Variants in PCGF3 observed in about 807,000 individuals in gnomAD.
PCGF3 encodes the protein polycomb group ring finger 3.
A neutral mutation model predicts 33.1 loss-of-function variants in PCGF3; 7 were observed. That is an observed-to-expected ratio of 0.21 (90% CI 0.12 to 0.40). The LOEUF is 0.40. PCGF3 is among the 10% of genes least tolerant of loss of function. PCGF3 has a pLI of 1.00. For synonymous variants in PCGF3, 153 were observed against 121.3 expected, an observed-to-expected ratio of 1.26 and a Z score of -1.72; for missense variants, 211 against 313.3, an observed-to-expected ratio of 0.67 and a Z score of 2.46.
At chr4:726,864 G>A (rs1248900403) in intron 1 of PCGF3, among the ~76,000 whole-genome samples, 1 of 152,164 alleles carries the variant, frequency 6.6e-6, no homozygotes, top group Non-Finnish European at 1.5e-5. Flanking sequence ...TGGACTTGCC[G>A]GCAGTGCTGG....
At chr4:768,949 A>G (rs1198209353) in exon 11 of PCGF3, 3 of 152,666 alleles carry the variant, frequency 2.0e-5, no homozygotes, top group African/African-American at 7.2e-5. Context: ...TGTAGCATTT[A>G]TTTTGCTAAA....
intron 1 of PCGF3, among the ~76,000 whole-genome samples, chr4:708,481 C>A (rs1232746597): frequency 6.6e-6 from 1 of 151,564 alleles, no homozygotes; most frequent in African/African-American, 2.4e-5. Flanking sequence ...GAGGCCCTTT[C>A]CATGAGACCC....
chr4:713,496 GGC>G lies in PCGF3; in HGVS notation c.-190+7527_-190+7528del, dbSNP rs1399775907. ...CATGGGTCCTGTGTGGCCTGGTGGGGGCTGTGGCCTTGTGGGTCCTGTGTGGC... is the reference window on the plus strand; with the variant it reads ...CATGGGTCCTGTGTGGCCTGGTGGGGTGTGGCCTTGTGGGTCCTGTGTGGC... On this transcript the variant is annotated intron_variant, in intron 1 of 10. Transcript: ENST00000362003. Among the ~76,000 whole-genome samples the G allele has an allele frequency of 2.0e-3, 286 of 146,310 alleles. 1 individual carries two copies. Among genetic ancestry groups the G allele is most frequent in the African/African-American group, 6.6e-3 (262 of 39,418 alleles).
chr4:761,479 A>C, intron 9 of PCGF3, 63 bp downstream of exon 9: 1 of 1,475,816 alleles, frequency 6.8e-7, no homozygotes, highest in Non-Finnish European at 9.1e-7. Context: ...AGGTAACTCC[A>C]AGATTCTTTG....
intron 8 of PCGF3, among the ~76,000 whole-genome samples, chr4:760,522 C>G (rs1344254642): frequency 1.3e-5 from 2 of 152,164 alleles, no homozygotes; most frequent in African/African-American, 4.8e-5. Flanking sequence ...CCCTGGTGTC[C>G]TCCCTTTTGT....
rs115874199 is a variant in PCGF3, at chr4:731,213, G to A, written c.-10+103G>A. 1,787 of 398,436 alleles carry A rather than the reference G, an allele frequency of 4.5e-3. 21 individuals are homozygous for A. Among genetic ancestry groups the A allele is most frequent in the African/African-American group, 0.028 (1,377 of 48,740 alleles). 24.7% of individuals were successfully genotyped at this position (398,436 alleles called of 1,614,324 possible). A position where few individuals can be genotyped will look rare whatever the true frequency, so the allele number is the denominator to read the frequency against. On this transcript the variant is annotated intron_variant, in intron 3 of 10. Transcript: ENST00000362003. ...GCGATCATTAGGAGCCAGCTGGTCA[G>A]GACACGATGCAGTGTTCACGGTTCA... is the stretch of plus-strand genomic sequence containing the variant.
chr4:760,743 G>T (rs1020817016), intron 8 of PCGF3, among the ~76,000 whole-genome samples: 1 of 152,182 alleles, frequency 6.6e-6, no homozygotes, highest in Non-Finnish European at 1.5e-5. Context: ...TTTTCGCACC[G>T]GGCAGGGAGC....
chr4:734,700 A>C, intron 4 of PCGF3: 1 of 1,339,306 alleles, frequency 7.5e-7, no homozygotes, highest in Non-Finnish European at 9.6e-7. Flanking sequence ...CTTAATTCCT[A>C]ACCCTGCCTC....
chr4:731,364 C>T (rs1386665236), intron 3 of PCGF3: 2 of 398,664 alleles, frequency 5.0e-6, no homozygotes, highest in Non-Finnish European at 8.8e-6. Context: ...CACTTGGGTT[C>T]CCGGCGTGTC....
intron 1 of PCGF3, among the ~76,000 whole-genome samples, chr4:726,506 C>A (rs868432665): frequency 4.6e-5 from 7 of 152,226 alleles, no homozygotes; most frequent in Non-Finnish European, 1.0e-4. Flanking sequence ...TTTTTTTCTC[C>A]ATGGTGCTTT....
At chr4:711,268 C>T (rs1742549193) in intron 1 of PCGF3, among the ~76,000 whole-genome samples, 1 of 152,172 alleles carries the variant, frequency 6.6e-6, no homozygotes, top group African/African-American at 2.4e-5. Flanking sequence ...CTGCAGGGTG[C>T]GGCAGGGGCC....
intron 8 of PCGF3, among the ~76,000 whole-genome samples, chr4:748,965 C>T (rs1374038501): frequency 6.6e-6 from 1 of 152,114 alleles, no homozygotes; most frequent in Non-Finnish European, 1.5e-5. Flanking sequence ...CTCCCCTTTA[C>T]TCTGGTGTGG....
Position 765,015 on chromosome 4 carries a change from GC to G in PCGF3, c.633del (p.Lys212ArgfsTer54), listed in dbSNP as rs768609375. 1 of 1,613,898 alleles carries G rather than the reference GC, an allele frequency of 6.2e-7. No homozygotes were observed. Among genetic ancestry groups the G allele is most frequent in the Non-Finnish European group, 8.5e-7 (1 of 1,179,914 alleles). ...ATTTTATGCAACGAGGAGATCCTGG[GC>G]AAGGACCACACACTCAAGTTCGTGG... On this transcript the variant is annotated frameshift_variant, in exon 10 of 11. Coordinates refer to ENST00000362003, the Ensembl canonical transcript of PCGF3. LOFTEE classifies it high-confidence loss of function.
intron 1 of PCGF3, among the ~76,000 whole-genome samples, chr4:730,370 G>GC (rs1177486011): frequency 8.6e-5 from 13 of 151,838 alleles, no homozygotes; most frequent in Admixed American, 5.9e-4. Flanking sequence ...GCCCCCAGCT[G>GC]CCCCCCCACC....
chr4:731,126 C>T lies in PCGF3; in HGVS notation c.-10+16C>T, dbSNP rs1743536823. ...TCTAGCGGAGGTGAGGCCCACGCCC[C>T]CCGACCCCGGGGGTCCTGCTGACTC... On this transcript the variant is annotated intron_variant, in intron 3 of 10. Transcript: ENST00000362003. 6 of 398,456 alleles carry T rather than the reference C, an allele frequency of 1.5e-5. No individual in the cohort carries two copies. Among genetic ancestry groups the T allele is most frequent in the South Asian group, 1.3e-4 (1 of 7,868 alleles). The allele number at this position is 398,456 out of a possible 1,614,324, so 24.7% of individuals were successfully genotyped here.
At chr4:762,153 C>G in intron 9 of PCGF3, 1 of 884,444 alleles carries the variant, frequency 1.1e-6, no homozygotes, top group Non-Finnish European at 1.4e-6. Context: ...CCCCCAGAGC[C>G]TGCAAATGGG....
At chr4:758,345 C>T (rs571304389) in intron 8 of PCGF3, among the ~76,000 whole-genome samples, 110 of 147,748 alleles carry the variant, frequency 7.4e-4, no homozygotes, top group African/African-American at 2.5e-3. Context: ...CTTCTCGCTC[C>T]GGACTCCAGG....
At chr4:733,452 G>A (rs1174524337) in intron 3 of PCGF3, among the ~76,000 whole-genome samples, 1 of 152,234 alleles carries the variant, frequency 6.6e-6, no homozygotes, top group African/African-American at 2.4e-5. Context: ...GGGGGAGCCG[G>A]GGGCTTTTGA....
At chr4:727,504 T>A (rs1160290178) in intron 1 of PCGF3, among the ~76,000 whole-genome samples, 1 of 152,136 alleles carries the variant, frequency 6.6e-6, no homozygotes, top group Non-Finnish European at 1.5e-5. Flanking sequence ...CCTCTCAAAG[T>A]GCTGGGATTA....
Sources: gnomAD v4.1 joint callset for allele counts (sites outside exome capture counted in the v4.1 genomes callset) on GRCh38, gnomAD v4.1.1 for gene constraint, MANE v1.5 for transcripts, NCBI Gene and HGNC (gene_info 2026-07-23, HGNC 2026-07-21) for gene names.